Variants in PBRM1 observed in about 807,000 individuals in gnomAD.
PBRM1 encodes the protein polybromo 1.
Under a neutral mutation model 194.5 loss-of-function variants are expected in PBRM1, and 27 were observed. That is an observed-to-expected ratio of 0.14 (90% confidence interval 0.10 to 0.19). The LOEUF is 0.19. Ranked by LOEUF, PBRM1 falls within the 10% of genes least tolerant of loss-of-function variation. PBRM1 has a pLI of 1.00. For missense variants in PBRM1, 1,466 were observed against 2,077.2 expected (o/e 0.71, Z 5.72); for synonymous variants, 655 against 693.2 (o/e 0.94, Z 0.87).
At chr3:52,632,561 T>C (rs181471252) in intron 11 of PBRM1, among the ~76,000 whole-genome samples, 2 of 152,150 alleles carry the variant, frequency 1.3e-5, no homozygotes. Flanking sequence ...CCCTGTCTCT[T>C]TAACAAAAAG....
intron 2 of PBRM1, among the ~76,000 whole-genome samples, chr3:52,672,582 C>T (rs1371183179): frequency 1.3e-5 from 2 of 150,510 alleles, no homozygotes; most frequent in African/African-American, 4.9e-5. Context: ...GCAACCTCTG[C>T]CTCCTGGGTT....
intron 7 of PBRM1, 100 bp from the exon 9 acceptor site, chr3:52,644,889 A>G: frequency 3.7e-6 from 2 of 543,074 alleles, no homozygotes; most frequent in Non-Finnish European, 6.6e-6. Flanking sequence ...CACTCTTTCT[A>G]CTTGGAGCAG....
intron 4 of PBRM1, among the ~76,000 whole-genome samples, 193 bp downstream of exon 5, chr3:52,661,940 G>A (rs1577926039): frequency 1.3e-5 from 2 of 152,176 alleles, no homozygotes; most frequent in South Asian, 2.1e-4. Context: ...CATGGCACAC[G>A]TTGTCCAGGA....
Position 52,667,193 on chromosome 3 carries a change from C to T in PBRM1, c.384+1305G>A, listed in dbSNP as rs180686018. ...TTAAAGGCTTATATGAAAGACAAAACTATAAAACTTTAAGAAAAGCATACT... is the reference window on the plus strand; with the variant it reads ...TTAAAGGCTTATATGAAAGACAAAATTATAAAACTTTAAGAAAAGCATACT... On this transcript the variant is annotated intron_variant, in intron 3 of 29. Transcript: ENST00000296302. Among the ~76,000 whole-genome samples the T allele has an allele frequency of 1.8e-3, 279 of 152,134 alleles. 3 individuals are homozygous for T. Among genetic ancestry groups the T allele is most frequent in the Admixed American group, 0.017 (262 of 15,280 alleles).
At chr3:52,658,235 G>C (rs766772588) in exon 5 of PBRM1, 1 of 1,610,924 alleles carries the variant, frequency 6.2e-7, no homozygotes, top group South Asian at 1.1e-5. Context: ...GTTCGCTAAT[G>C]AGACGTCCTG....
chr3:52,670,737 G>A (rs572659618), intron 2 of PBRM1, among the ~76,000 whole-genome samples: 233 of 152,312 alleles, frequency 1.5e-3, no homozygotes, highest in African/African-American at 5.5e-3. Flanking sequence ...TTGCATGCCT[G>A]TAGTCCCAGC....
At chr3:52,557,628 T>TC (rs2082488273) in intron 26 of PBRM1, among the ~76,000 whole-genome samples, 1 of 152,110 alleles carries the variant, frequency 6.6e-6, no homozygotes, top group Non-Finnish European at 1.5e-5. Flanking sequence ...TTTCTTTTTT[T>TC]TTTTCTTAAA....
exon 11 of PBRM1, chr3:52,634,716 C>A (rs1440257006): frequency 1.2e-6 from 2 of 1,613,766 alleles, no homozygotes; most frequent in Non-Finnish European, 8.5e-7. Context: ...GTTATTCCGA[C>A]AACTCCTAAC....
intron 13 of PBRM1, among the ~76,000 whole-genome samples, chr3:52,621,602 T>C (rs988933711): frequency 1.4e-4 from 22 of 152,238 alleles, no homozygotes; most frequent in Admixed American, 2.6e-4. Context: ...TTAACTACCT[T>C]TGATTAAAAG....
chr3:52,617,663 A>G, intron 13 of PBRM1, 125 bp from the exon 16 acceptor site: 1 of 695,146 alleles, frequency 1.4e-6, no homozygotes, highest in Non-Finnish European at 2.3e-6. Context: ...TATTGATTAC[A>G]TATGCCACAA....
chr3:52,577,444 A>AT, intron 21 of PBRM1, among the ~76,000 whole-genome samples: 1 of 151,338 alleles, frequency 6.6e-6, no homozygotes, highest in South Asian at 2.1e-4. Flanking sequence ...AAAAAAAAAA[A>AT]AAAAAAAAAA....
At chr3:52,559,846 T>TAAA (rs34203062) in intron 25 of PBRM1, among the ~76,000 whole-genome samples, 30 of 125,138 alleles carry the variant, frequency 2.4e-4, no homozygotes, top group African/African-American at 8.4e-4. Context: ...GAGCTAGCAG[T>TAAA]AAAAAAAAAA....
At chr3:52,599,133 T>C (rs1343596540) in intron 17 of PBRM1, among the ~76,000 whole-genome samples, 1 of 151,792 alleles carries the variant, frequency 6.6e-6, no homozygotes, top group Non-Finnish European at 1.5e-5. Flanking sequence ...GAGGGTGTAG[T>C]GAGCCATGAT....
chr3:52,595,880 C>T (rs909890108), intron 17 of PBRM1, among the ~76,000 whole-genome samples: 1 of 152,138 alleles, frequency 6.6e-6, no homozygotes, highest in African/African-American at 2.4e-5. Flanking sequence ...TTTCCCAGCA[C>T]CGTTTATTGA....
intron 6 of PBRM1, among the ~76,000 whole-genome samples, chr3:52,651,506 T>C (rs879364083): frequency 1.4e-4 from 22 of 152,332 alleles, no homozygotes; most frequent in Middle Eastern, 3.4e-3. Context: ...GAAATAAATC[T>C]TTTGTCACAA....
At chr3:52,643,195 G>T in intron 9 of PBRM1, 53 bp downstream of exon 10, 2 of 1,242,892 alleles carry the variant, frequency 1.6e-6, no homozygotes, top group Non-Finnish European at 2.4e-6. Context: ...ATACTAGTAT[G>T]CCTATCTTTA....
chr3:52,654,744 C>T (rs1577710826), intron 5 of PBRM1, among the ~76,000 whole-genome samples: 1 of 152,078 alleles, frequency 6.6e-6, no homozygotes, highest in Admixed American at 6.6e-5. Flanking sequence ...GACAGTACTT[C>T]TATTTTGTGT....
chr3:52,619,717 G>T (rs888956726), intron 13 of PBRM1, among the ~76,000 whole-genome samples: 1 of 152,108 alleles, frequency 6.6e-6, no homozygotes, highest in African/African-American at 2.4e-5. Flanking sequence ...GAAGCCAAAG[G>T]CCAGATCTTT....
intron 11 of PBRM1, among the ~76,000 whole-genome samples, chr3:52,632,560 T>C (rs772629922): frequency 6.6e-6 from 1 of 152,258 alleles, no homozygotes; most frequent in Admixed American, 6.5e-5. Context: ...ACCCTGTCTC[T>C]TTAACAAAAA....
Sources: allele counts gnomAD v4.1 joint callset (sites outside exome capture counted in the v4.1 genomes callset), GRCh38; gene constraint gnomAD v4.1.1; transcripts MANE v1.5; gene names NCBI Gene and HGNC (gene_info 2026-07-23, HGNC 2026-07-21).